NUBPL: variants seen among roughly 807,000 people sequenced by gnomAD.
The protein encoded by NUBPL is NUBP iron-sulfur cluster assembly factor, mitochondrial.
A neutral mutation model predicts 45.7 loss-of-function variants in NUBPL; 31 were observed. The ratio of observed to expected loss-of-function variants is 0.68; its 90% CI spans 0.51 to 0.92. NUBPL has a LOEUF of 0.92. Among genes scored for constraint, NUBPL ranks in the 40% least tolerant of loss-of-function variants. NUBPL has a pLI of 0.00. For missense variants in NUBPL, 401 were observed against 398.7 expected, an observed-to-expected ratio of 1.01 and a Z score of -0.05; for synonymous variants, 144 against 140.9, an observed-to-expected ratio of 1.02 and a Z score of -0.15.
intron 4 of NUBPL, among the ~76,000 whole-genome samples, chr14:31,638,904 C>G (rs375648276): frequency 6.6e-6 from 1 of 152,192 alleles, no homozygotes; most frequent in Non-Finnish European, 1.5e-5. Context: ...GCATTCTTCA[C>G]GTAGTTCTTG....
At chr14:31,692,273 AT>A (rs944295993) in intron 6 of NUBPL, among the ~76,000 whole-genome samples, 14 of 152,012 alleles carry the variant, frequency 9.2e-5, no homozygotes, top group African/African-American at 2.7e-4. Flanking sequence ...CCTGATTAGT[AT>A]TTTTTTTCCT....
At chr14:31,632,989 A>G (rs1169850955) in intron 4 of NUBPL, among the ~76,000 whole-genome samples, 1 of 152,208 alleles carries the variant, frequency 6.6e-6, no homozygotes, top group Non-Finnish European at 1.5e-5. Flanking sequence ...TTTAGGTTTA[A>G]TTCAGACTTT....
chr14:31,652,640 T>C (rs943141905), intron 4 of NUBPL, among the ~76,000 whole-genome samples: 1 of 152,196 alleles, frequency 6.6e-6, no homozygotes, highest in Non-Finnish European at 1.5e-5. Context: ...ATTTCTAATA[T>C]GTGTGCCCTG....
intron 3 of NUBPL, among the ~76,000 whole-genome samples, chr14:31,573,547 C>T (rs568808904): frequency 6.6e-6 from 1 of 152,294 alleles, no homozygotes; most frequent in African/African-American, 2.4e-5. Flanking sequence ...AGTCTGTCTA[C>T]CTATCTATGT....
At chr14:31,633,824 T>C (rs2035409293) in intron 4 of NUBPL, among the ~76,000 whole-genome samples, 1 of 152,194 alleles carries the variant, frequency 6.6e-6, no homozygotes, top group Non-Finnish European at 1.5e-5. Context: ...ATTTGCACAC[T>C]GTGATGAGCT....
At chr14:31,799,125 A>G (rs2039530896) in intron 7 of NUBPL, among the ~76,000 whole-genome samples, 1 of 152,194 alleles carries the variant, frequency 6.6e-6, no homozygotes, top group South Asian at 2.1e-4. Flanking sequence ...ACTTGGGAAG[A>G]GACAATCTTT....
intron 6 of NUBPL, among the ~76,000 whole-genome samples, chr14:31,762,144 A>C (rs1271805950): frequency 6.6e-6 from 1 of 152,220 alleles, no homozygotes; most frequent in Non-Finnish European, 1.5e-5. Flanking sequence ...TGGTTTTTAA[A>C]ATATAAGGTG....
intron 8 of NUBPL, among the ~76,000 whole-genome samples, chr14:31,827,322 A>G (rs1351662199): frequency 6.6e-6 from 1 of 150,930 alleles, no homozygotes; most frequent in Non-Finnish European, 1.5e-5. Flanking sequence ...AAATAGTACC[A>G]TTATAAAACT....
intron 8 of NUBPL, among the ~76,000 whole-genome samples, chr14:31,830,823 C>G (rs1031386596): frequency 1.3e-5 from 2 of 152,152 alleles, no homozygotes; most frequent in Non-Finnish European, 2.9e-5. Flanking sequence ...AACTCATGGG[C>G]TACTCTGCCT....
intron 4 of NUBPL, among the ~76,000 whole-genome samples, chr14:31,610,243 G>A (rs2034714727): frequency 6.6e-6 from 1 of 152,004 alleles, no homozygotes; most frequent in South Asian, 2.1e-4. Context: ...AACTGATACT[G>A]CAGAAATTCA....
intron 3 of NUBPL, among the ~76,000 whole-genome samples, chr14:31,591,410 C>T (rs2034139849): frequency 6.6e-6 from 1 of 152,174 alleles, no homozygotes; most frequent in Non-Finnish European, 1.5e-5. Flanking sequence ...GATCCTCCCG[C>T]CTCAGCCTCC....
chr14:31,567,090 T>A (rs897382605), intron 3 of NUBPL, among the ~76,000 whole-genome samples: 5 of 152,218 alleles, frequency 3.3e-5, no homozygotes, highest in African/African-American at 1.2e-4. Context: ...TTTGATAGCT[T>A]AACTAGATTC....
chr14:31,793,731 C>T (rs1224817557), intron 7 of NUBPL, among the ~76,000 whole-genome samples: 1 of 151,744 alleles, frequency 6.6e-6, no homozygotes, highest in East Asian at 1.9e-4. Context: ...GTACCTTGGC[C>T]TATAGCTTAT....
chr14:31,705,817 C>G (rs771828403), intron 6 of NUBPL, among the ~76,000 whole-genome samples: 1 of 152,192 alleles, frequency 6.6e-6, no homozygotes, highest in Non-Finnish European at 1.5e-5. Flanking sequence ...ACCACCTAGC[C>G]CGGGCACTCT....
intron 8 of NUBPL, among the ~76,000 whole-genome samples, chr14:31,837,008 T>C (rs2040291795): frequency 6.6e-6 from 1 of 152,198 alleles, no homozygotes. Context: ...CTTGGTAGTT[T>C]ATCTGTCTTG....
At chr14:31,610,025 C>A (rs2034708239) in intron 4 of NUBPL, among the ~76,000 whole-genome samples, 1 of 151,786 alleles carries the variant, frequency 6.6e-6, no homozygotes, top group Admixed American at 6.6e-5. Flanking sequence ...AAAGCAAGAG[C>A]AAACTACACC....
At chr14:31,574,078 A>G (rs1189825690) in intron 3 of NUBPL, among the ~76,000 whole-genome samples, 1 of 152,210 alleles carries the variant, frequency 6.6e-6, no homozygotes, top group Non-Finnish European at 1.5e-5. Flanking sequence ...GTTTTGTTCA[A>G]TACATATTAT....
At chr14:31,813,761 C>T (rs940305124) in intron 7 of NUBPL, among the ~76,000 whole-genome samples, 5 of 152,142 alleles carry the variant, frequency 3.3e-5, no homozygotes, top group Non-Finnish European at 7.3e-5. Flanking sequence ...GTTCAACTCC[C>T]ACTTATAAGT....
chr14:31,818,975 G>A (rs569031345), intron 7 of NUBPL, among the ~76,000 whole-genome samples: 3 of 152,330 alleles, frequency 2.0e-5, no homozygotes, highest in Non-Finnish European at 4.4e-5. Context: ...AGGAGCAAGA[G>A]ATCAAAATAG....
Sources: gnomAD v4.1 joint callset for allele counts (sites outside exome capture counted in the v4.1 genomes callset) on GRCh38, gnomAD v4.1.1 for gene constraint, MANE v1.5 for transcripts, NCBI Gene and HGNC (gene_info 2026-07-23, HGNC 2026-07-21) for gene names.